Variants in GRM1 observed in about 807,000 individuals in gnomAD.
The protein encoded by GRM1 is metabotropic glutamate receptor 1.
GRM1 carries 33 observed loss-of-function variants against 90.9 expected under a neutral mutation model. The observed-to-expected ratio is 0.36, with a 90% CI of 0.28 to 0.49. The LOEUF (loss-of-function observed/expected upper bound fraction) is 0.49, where lower values mean the gene tolerates loss of function less well. Ranked by LOEUF, GRM1 falls within the 20% of genes least tolerant of loss-of-function variation. GRM1 has a pLI of 0.99. For synonymous variants in GRM1, 700 were observed against 613.2 expected, an observed-to-expected ratio of 1.14 and a Z score of -2.09; for missense variants, 1,190 against 1,534.3, an observed-to-expected ratio of 0.78 and a Z score of 3.75.
intron 1 of GRM1, among the ~76,000 whole-genome samples, chr6:146,118,641 T>C (rs2128876416): frequency 6.6e-6 from 1 of 152,328 alleles, no homozygotes; most frequent in South Asian, 2.1e-4. Context: ...CTTTCCTGTG[T>C]CCAGGTGTTC....
intron 5 of GRM1, among the ~76,000 whole-genome samples, chr6:146,364,776 A>ATT (rs11389715): frequency 0.027 from 3,815 of 141,770 alleles, 144 homozygotes; most frequent in African/African-American, 0.086. Context: ...CTCTTCTTCT[A>ATT]TTTTTTTTTT....
chr6:146,070,476 T>C (rs1038447679), intron 1 of GRM1, among the ~76,000 whole-genome samples: 2 of 152,166 alleles, frequency 1.3e-5, no homozygotes, highest in African/African-American at 2.4e-5. Context: ...TTCAGTCTTA[T>C]CTAGTGATAT....
At chr6:146,338,165 C>T (rs1002150443) in intron 3 of GRM1, among the ~76,000 whole-genome samples, 1 of 152,202 alleles carries the variant, frequency 6.6e-6, no homozygotes, top group African/African-American at 2.4e-5. Context: ...TAATCTCCAA[C>T]AGGTCAAATA....
chr6:146,365,881 A>G (rs555217068), intron 5 of GRM1, among the ~76,000 whole-genome samples: 11 of 152,292 alleles, frequency 7.2e-5, no homozygotes, highest in Admixed American at 5.2e-4. Context: ...GTCACTCTCA[A>G]GGTCCTGAAA....
intron 1 of GRM1, among the ~76,000 whole-genome samples, chr6:146,149,655 T>C (rs1015701988): frequency 1.3e-4 from 20 of 152,208 alleles, no homozygotes; most frequent in South Asian, 2.1e-4. Flanking sequence ...GATTTGCCTT[T>C]AAGTCTCATC....
intron 2 of GRM1, among the ~76,000 whole-genome samples, chr6:146,226,633 T>A (rs1193219939): frequency 6.6e-6 from 1 of 152,136 alleles, no homozygotes; most frequent in East Asian, 1.9e-4. Context: ...ATGTGAGTGG[T>A]CTTAATTAAA....
At chr6:146,257,397 T>G (rs1381186485) in intron 2 of GRM1, among the ~76,000 whole-genome samples, 4 of 152,042 alleles carry the variant, frequency 2.6e-5, no homozygotes, top group Non-Finnish European at 5.9e-5. Context: ...ATTTTATGAT[T>G]TAAATTGAAA....
At chr6:146,069,099 AC>A (rs1447816077) in intron 1 of GRM1, among the ~76,000 whole-genome samples, 1 of 152,144 alleles carries the variant, frequency 6.6e-6, no homozygotes, top group African/African-American at 2.4e-5. Context: ...TCACATTTTG[AC>A]TTTTGAAATA....
At chr6:146,121,603 T>C (rs1226970616) in intron 1 of GRM1, among the ~76,000 whole-genome samples, 3 of 152,214 alleles carry the variant, frequency 2.0e-5, no homozygotes, top group Non-Finnish European at 4.4e-5. Context: ...ACACACTGCT[T>C]TAAATGTGTC....
intron 1 of GRM1, among the ~76,000 whole-genome samples, chr6:146,052,982 T>C (rs1045888812): frequency 2.6e-5 from 4 of 152,068 alleles, no homozygotes; most frequent in Admixed American, 2.0e-4. Flanking sequence ...CGGGGTTTTA[T>C]GTTTATAACA....
intron 7 of GRM1, among the ~76,000 whole-genome samples, chr6:146,405,417 T>A (rs555895701): frequency 6.6e-6 from 1 of 152,158 alleles, no homozygotes; most frequent in African/African-American, 2.4e-5. Context: ...AATAAAAGGA[T>A]GCAATATTAT....
In GRM1 at chr6:146,366,244, A is replaced by G. The variant is rs148975666; in HGVS notation, c.1602+8550A>G. On this transcript the variant is annotated intron_variant, in intron 5 of 7. Coordinates refer to ENST00000282753, the MANE Select transcript of GRM1 (RefSeq NM_001278064.2). ...TAATAATCGTACATATTTATGGGAT[A>G]CACATGATATTTTAAAACATGCACA... is the stretch of plus-strand genomic sequence containing the variant. Among the ~76,000 whole-genome samples, 5 of 152,326 alleles carry G rather than the reference A, an allele frequency of 3.3e-5. No individual in the cohort carries two copies. The East Asian group carries it at 9.6e-4, about 29-fold the overall frequency.
chr6:146,035,731 T>G (rs1790866844), intron 1 of GRM1, among the ~76,000 whole-genome samples: 1 of 152,018 alleles, frequency 6.6e-6, no homozygotes, highest in Admixed American at 6.6e-5. Context: ...GGCCATTTAT[T>G]ATTACTCAAA....
At chr6:146,120,133 G>T (rs1775924049) in intron 1 of GRM1, among the ~76,000 whole-genome samples, 1 of 152,164 alleles carries the variant, frequency 6.6e-6, no homozygotes, top group Non-Finnish European at 1.5e-5. Flanking sequence ...GTGCTTTGTA[G>T]TTCTACTTGA....
chr6:146,245,315 T>C (rs545822592), intron 2 of GRM1, among the ~76,000 whole-genome samples: 9 of 152,188 alleles, frequency 5.9e-5, no homozygotes, highest in Non-Finnish European at 1.3e-4. Context: ...CTTCTTTTCT[T>C]CCTGAACTGT....
At chr6:146,374,424 A>G (rs925593700) in intron 5 of GRM1, among the ~76,000 whole-genome samples, 1 of 151,976 alleles carries the variant, frequency 6.6e-6, no homozygotes, top group Non-Finnish European at 1.5e-5. Flanking sequence ...ATTTTTTGTT[A>G]TAGTTTGAGT....
chr6:146,061,724 C>T (rs1775676535), intron 1 of GRM1, among the ~76,000 whole-genome samples: 1 of 151,980 alleles, frequency 6.6e-6, no homozygotes. Flanking sequence ...AAAAGCTCAT[C>T]ATCACTATGA....
At chr6:146,381,162 C>T (rs1467045506) in intron 5 of GRM1, among the ~76,000 whole-genome samples, 1 of 152,200 alleles carries the variant, frequency 6.6e-6, no homozygotes, top group East Asian at 1.9e-4. Flanking sequence ...CCCACCAGTC[C>T]ACTGTCTCTG....
intron 5 of GRM1, among the ~76,000 whole-genome samples, chr6:146,386,592 GATTAA>G (rs1175232210): frequency 2.0e-5 from 3 of 151,692 alleles, no homozygotes; most frequent in Admixed American, 6.6e-5. Context: ...TATAAACAAG[GATTAA>G]ATTAAACTGT....
Sources: gnomAD v4.1 joint callset for allele counts (sites outside exome capture counted in the v4.1 genomes callset) on GRCh38, gnomAD v4.1.1 for gene constraint, MANE v1.5 for transcripts, NCBI Gene and HGNC (gene_info 2026-07-23, HGNC 2026-07-21) for gene names.